MND1: variants seen among roughly 807,000 people sequenced by gnomAD.
MND1 encodes the protein meiotic nuclear divisions 1, also known as meiotic nuclear division protein 1 homolog.
MND1 carries 28 observed loss-of-function variants against 35.1 expected under a neutral mutation model. The ratio of observed to expected loss-of-function variants is 0.80; its 90% CI spans 0.59 to 1.09. The LOEUF is 1.09. Ranked by LOEUF, MND1 falls within the 50% of genes least tolerant of loss-of-function variation. MND1 has a pLI of 0.00. For missense variants in MND1, 213 were observed against 239.6 expected (o/e 0.89, Z 0.73); for synonymous variants, 69 against 70.5 (o/e 0.98, Z 0.11).
At position 153,397,314 on chromosome 4, in the gene MND1, G is replaced by T. The variant is rs762072390; in HGVS notation, c.447G>T (p.Pro149=). 1 of 1,609,970 alleles carries T rather than the reference G, an allele frequency of 6.2e-7. No individual in the cohort carries two copies. The highest frequency in any genetic ancestry group is 8.5e-7 in the Non-Finnish European group (1 of 1,177,662). ...AEVEKYKDCD[P]QVVEEIRQAN... Reference sequence around the variant, plus strand: ...TAGAAAAATACAAAGACTGTGATCCGCAAGTTGTGGAAGAAATACGTAAGT... The same window carrying T: ...TAGAAAAATACAAAGACTGTGATCCTCAAGTTGTGGAAGAAATACGTAAGT... The change falls in exon 6 of 8, where the codon CCG becomes CCT. Residue 149 remains proline, a synonymous_variant. Transcript: ENST00000240488.
At chr4:153,355,742 G>A (rs1190811228) in intron 3 of MND1, 31 bp downstream of exon 3, 1 of 1,347,534 alleles carries the variant, frequency 7.4e-7, no homozygotes, top group East Asian at 2.3e-5. Flanking sequence ...GGAATGTTTT[G>A]GGAAATATAC....
chr4:153,350,842 A>C (rs1773195927), intron 2 of MND1, among the ~76,000 whole-genome samples: 1 of 151,834 alleles, frequency 6.6e-6, no homozygotes, highest in African/African-American at 2.4e-5. Context: ...AGTTGGCCCC[A>C]GTCTACTGGC....
At chr4:153,406,549 C>T (rs1380064791) in intron 6 of MND1, among the ~76,000 whole-genome samples, 1 of 151,998 alleles carries the variant, frequency 6.6e-6, no homozygotes, top group African/African-American at 2.4e-5. Context: ...AAAGTGAACT[C>T]AGGATGGAAG....
At chr4:153,348,412 A>C (rs560598356) in intron 1 of MND1, among the ~76,000 whole-genome samples, 4 of 152,310 alleles carry the variant, frequency 2.6e-5, no homozygotes, top group African/African-American at 9.6e-5. Context: ...GAGCACACCC[A>C]GGGGTGAATG....
At chr4:153,356,409 C>A (rs747929002) in intron 3 of MND1, among the ~76,000 whole-genome samples, 5 of 151,708 alleles carry the variant, frequency 3.3e-5, no homozygotes, top group Non-Finnish European at 1.5e-5. Flanking sequence ...AAATCTTAGC[C>A]GGGCGTGGTG....
chr4:153,379,740 C>T (rs547205493), intron 4 of MND1, among the ~76,000 whole-genome samples: 1 of 149,678 alleles, frequency 6.7e-6, no homozygotes, highest in East Asian at 2.0e-4. Flanking sequence ...ATCCCAGCTA[C>T]TCAGGAGACT....
intron 4 of MND1, among the ~76,000 whole-genome samples, chr4:153,394,003 C>T (rs1286965410): frequency 7.3e-6 from 1 of 136,756 alleles, no homozygotes; most frequent in Non-Finnish European, 1.5e-5. Context: ...AATCTCAGCT[C>T]ACTGCAACCT....
At chr4:153,386,246 T>C (rs1579934233) in intron 4 of MND1, among the ~76,000 whole-genome samples, 1 of 151,648 alleles carries the variant, frequency 6.6e-6, no homozygotes, top group East Asian at 1.9e-4. Flanking sequence ...ATCCCAGGAC[T>C]TTGGGAGACT....
At chr4:153,365,595 G>A (rs1437231396) in intron 4 of MND1, among the ~76,000 whole-genome samples, 3 of 151,704 alleles carry the variant, frequency 2.0e-5, no homozygotes, top group Admixed American at 2.0e-4. Flanking sequence ...GAAAAGAGAG[G>A]ATCTTTTTTT....
chr4:153,359,126 G>T (rs1328918364), intron 4 of MND1, among the ~76,000 whole-genome samples: 1 of 152,180 alleles, frequency 6.6e-6, no homozygotes, highest in African/African-American at 2.4e-5. Flanking sequence ...GCATGATGAC[G>T]TGTATCCACA....
chr4:153,399,890 A>ATTTTT (rs34815482), intron 6 of MND1, among the ~76,000 whole-genome samples: 2 of 71,120 alleles, frequency 2.8e-5, no homozygotes, highest in African/African-American at 1.3e-4. Flanking sequence ...TTTCAGTGAG[A>ATTTTT]TTTTTTTTTT....
At position 153,411,400 on chromosome 4, in the gene MND1, A is replaced by C. The variant is rs182470735; in HGVS notation, c.511+2385A>C. On this transcript the variant is annotated intron_variant, in intron 7 of 7. Transcript: ENST00000240488. The stretch of plus-strand genomic sequence containing the variant: ...AAAAATTATTCTATATCCATTCATA[A>C]AAATTTCTACATTAAATAGGGAAAT... 7.2e-4 allele frequency among the ~76,000 whole-genome samples: 109 copies of C among 152,298 alleles called. 2 individuals carry two copies. The highest frequency in any genetic ancestry group is 2.8e-4 in the Non-Finnish European group (19 of 68,026).
chr4:153,382,739 G>A (rs895371238), intron 4 of MND1, among the ~76,000 whole-genome samples: 3 of 151,996 alleles, frequency 2.0e-5, no homozygotes, highest in Non-Finnish European at 4.4e-5. Context: ...ATTTTAGATC[G>A]ATGCCTTCTA....
intron 6 of MND1, among the ~76,000 whole-genome samples, chr4:153,397,681 A>G (rs1425592063): frequency 6.6e-6 from 1 of 152,070 alleles, no homozygotes; most frequent in African/African-American, 2.4e-5. Flanking sequence ...TTAGCCAAGC[A>G]TGGTGACAGA....
At chr4:153,406,916 C>T (rs186222506) in intron 6 of MND1, among the ~76,000 whole-genome samples, 9 of 152,302 alleles carry the variant, frequency 5.9e-5, no homozygotes, top group East Asian at 1.9e-4. Context: ...GTGAAAGGTA[C>T]GTCTCACATG....
chr4:153,390,880 G>GGT, intron 4 of MND1, among the ~76,000 whole-genome samples: 1 of 122,674 alleles, frequency 8.2e-6, no homozygotes, highest in Non-Finnish European at 1.7e-5. Context: ...CAAAAAAAAA[G>GGT]GTATATATAT....
At chr4:153,374,819 A>G (rs1222762287) in intron 4 of MND1, among the ~76,000 whole-genome samples, 2 of 152,076 alleles carry the variant, frequency 1.3e-5, no homozygotes, top group Non-Finnish European at 2.9e-5. Context: ...GTTATAATTA[A>G]CGTTTCTCTT....
At chr4:153,388,304 A>G (rs1050365969) in intron 4 of MND1, among the ~76,000 whole-genome samples, 2 of 152,178 alleles carry the variant, frequency 1.3e-5, no homozygotes, top group African/African-American at 4.8e-5. Context: ...AGCCTGGGCA[A>G]CATAGTGAGA....
At chr4:153,377,188 A>T (rs1728535046) in intron 4 of MND1, among the ~76,000 whole-genome samples, 1 of 152,184 alleles carries the variant, frequency 6.6e-6, no homozygotes. Context: ...TTGGCTTATG[A>T]TAAGGATTAC....
Sources: allele counts gnomAD v4.1 joint callset (sites outside exome capture counted in the v4.1 genomes callset), GRCh38; gene constraint gnomAD v4.1.1; transcripts MANE v1.5; gene names NCBI Gene and HGNC (gene_info 2026-07-23, HGNC 2026-07-21).